The following VPS13A variants were observed in gnomAD, a reference collection of about 807,000 sequenced individuals.
VPS13A encodes the protein vacuolar protein sorting 13 homolog A.
VPS13A carries 264 observed loss-of-function variants against 390.9 expected under a neutral mutation model. The ratio of observed to expected loss-of-function variants is 0.68; its 90% confidence interval spans 0.61 to 0.75. VPS13A has a LOEUF of 0.75. Ranked by LOEUF, VPS13A falls within the 30% of genes least tolerant of loss-of-function variation. VPS13A has a pLI of 0.00. For missense variants in VPS13A, 3,409 were observed against 3,733.9 expected (o/e 0.91, Z 2.27); for synonymous variants, 1,231 against 1,227.1 (o/e 1.00, Z -0.07).
chr9:77,337,167 G>A (rs954342945), intron 46 of VPS13A, 88 bp from the exon 47 acceptor site: 10 of 1,236,124 alleles, frequency 8.1e-6, no homozygotes, highest in African/African-American at 3.0e-5. Flanking sequence ...ATGAAAGGAG[G>A]TAAGTTTGTT....
At chr9:77,195,435 T>C (rs749875691) in intron 1 of VPS13A, among the ~76,000 whole-genome samples, 20 of 152,226 alleles carry the variant, frequency 1.3e-4, no homozygotes, top group Middle Eastern at 3.4e-3. Context: ...ATTGATCTTT[T>C]TAGAAAACTA....
intron 23 of VPS13A, among the ~76,000 whole-genome samples, chr9:77,269,319 G>C (rs1826221505): frequency 6.6e-6 from 1 of 152,068 alleles, no homozygotes; most frequent in African/African-American, 2.4e-5. Flanking sequence ...TTGTTAAAAA[G>C]ACTATTCTTT....
In VPS13A at chr9:77,199,848, A is replaced by G. The variant is rs1224138442; in HGVS notation, c.101-97A>G. On this transcript the variant is annotated intron_variant, in intron 1 of 71. Transcript: ENST00000360280. ...ATTATCTGTTATGCACATTATTTAT[A>G]TATTTTTCCTGATTATGACAGGAAT... The G allele has an allele frequency of 6.3e-6, 6 of 949,958 alleles. No individual in the cohort carries two copies. The South Asian group carries it at 7.9e-5, about 12-fold the overall frequency. 58.8% of individuals were successfully genotyped at this position (949,958 alleles called of 1,614,324 possible). A position where few individuals can be genotyped will look rare whatever the true frequency, so the allele number is the denominator to read the frequency against.
rs555252049 is a variant in VPS13A, at chr9:77,335,700, A to G, written c.6096-1555A>G. On this transcript the variant is annotated intron_variant, in intron 46 of 71. Transcript: ENST00000360280. ...ATGGCAATCGTTAAAAAGTCAGGACACAACAGATGTTGGAGAGGATGTGGA... is the reference window on the plus strand; with the variant it reads ...ATGGCAATCGTTAAAAAGTCAGGACGCAACAGATGTTGGAGAGGATGTGGA... Among the ~76,000 whole-genome samples the G allele has an allele frequency of 2.0e-5, 3 of 152,354 alleles. No individual in the cohort carries two copies. The South Asian group carries it at 6.2e-4, about 32-fold the overall frequency.
Position 77,360,622 on chromosome 9 carries a change from A to G in VPS13A, c.8192A>G (p.Glu2731Gly). Reference sequence around the variant, plus strand: ...TTAACAGACCTTATGACAGAAGCTGAGGTGACTGAAAATACAGAGGTAAGA... The same window carrying G: ...TTAACAGACCTTATGACAGAAGCTGGGGTGACTGAAAATACAGAGGTAAGA... ...YALTDLMTEA[E>G]VTENTEVELF... The change falls in exon 59 of 72, where the codon GAG (glutamate) becomes GGG (glycine). Residue 2731 changes from glutamate to glycine, a missense_variant. Physicochemically the swap from Glu to Gly is moderately conservative, Grantham distance 98. This residue lies in a region of VPS13A where 221 missense variants were observed against 300.7 expected (regional missense o/e 0.73). Coordinates refer to ENST00000360280, the MANE Select transcript of VPS13A (RefSeq NM_033305.3). 1.9e-6 allele frequency: 3 copies of G among 1,612,098 alleles called. No homozygotes were observed. The highest frequency in any genetic ancestry group is 2.5e-6 in the Non-Finnish European group (3 of 1,178,468).
At chr9:77,209,593 A>G (rs1825859295) in intron 6 of VPS13A, 61 bp downstream of exon 6, 15 of 1,058,412 alleles carry the variant, frequency 1.4e-5, no homozygotes, top group Non-Finnish European at 1.4e-6. Context: ...TTTACTATTT[A>G]ATGACACCTA....
chr9:77,209,910 C>T (rs1001368442), intron 6 of VPS13A, among the ~76,000 whole-genome samples: 4 of 152,140 alleles, frequency 2.6e-5, no homozygotes, highest in African/African-American at 9.7e-5. Context: ...TTTGTTTTCT[C>T]TTAACCAGAT....
intron 50 of VPS13A, among the ~76,000 whole-genome samples, chr9:77,342,605 A>G (rs1052912985): frequency 6.6e-6 from 1 of 152,164 alleles, no homozygotes. Context: ...TTATTTAAAT[A>G]TTGTATAAAA....
In VPS13A at chr9:77,366,798, T is replaced by A; in HGVS notation, c.8397T>A (p.Ile2799=). The change falls in exon 61 of 72, where the codon ATT becomes ATA. Residue 2799 remains isoleucine, a synonymous_variant. Coordinates refer to ENST00000360280, the MANE Select transcript of VPS13A (RefSeq NM_033305.3). ...ATTCAAAACAAAATGGAGGACTGAT[T>A]CCAGTTCATTCTTTAAATCTTTTGC... ...AKDSKQNGGL[I]PVHSLNLLLK... is the part of the protein sequence containing the mutation. 1 of 1,613,322 alleles carries A rather than the reference T, an allele frequency of 6.2e-7. No homozygotes were observed. The highest frequency in any genetic ancestry group is 8.5e-7 in the Non-Finnish European group (1 of 1,179,508).
chr9:77,405,939 C>CAAAG lies in VPS13A; in HGVS notation c.9353_9356dup (p.Pro3120ArgfsTer13), dbSNP rs773428910. Reference sequence around the variant, plus strand: ...GGCAGTATAGTTTTGATGAATTTACCAAAGAGCCATTCATTGTTCATGGGA... The same window carrying CAAAG: ...GGCAGTATAGTTTTGATGAATTTACCAAAGAAAGAGCCATTCATTGTTCATGGGA... On this transcript the variant is annotated frameshift_variant, in exon 70 of 72. Coordinates refer to ENST00000360280, the MANE Select transcript of VPS13A (RefSeq NM_033305.3). LOFTEE classifies it high-confidence loss of function. The CAAAG allele has an allele frequency of 1.2e-6, 2 of 1,613,794 alleles. No homozygotes were observed. The highest frequency in any genetic ancestry group is 1.1e-5 in the South Asian group (1 of 91,070).
chr9:77,178,141 G>A (rs1005431269), intron 1 of VPS13A: 1 of 309,888 alleles, frequency 3.2e-6, no homozygotes, highest in Non-Finnish European at 6.2e-6. Flanking sequence ...CGCACGGTCC[G>A]GCTTTAGCCG....
intron 45 of VPS13A, among the ~76,000 whole-genome samples, chr9:77,327,009 C>G (rs1235888836): frequency 1.3e-5 from 2 of 152,168 alleles, no homozygotes; most frequent in Non-Finnish European, 2.9e-5. Flanking sequence ...GTTGGCTTCC[C>G]CAGATTTTCA....
intron 1 of VPS13A, among the ~76,000 whole-genome samples, chr9:77,184,502 C>A (rs992628473): frequency 1.3e-5 from 2 of 152,062 alleles, no homozygotes; most frequent in Admixed American, 6.5e-5. Flanking sequence ...ACCTGTAGTC[C>A]CAGCTACTTG....
At chr9:77,325,537 G>T (rs1394682011) in intron 45 of VPS13A, among the ~76,000 whole-genome samples, 3 of 145,168 alleles carry the variant, frequency 2.1e-5, no homozygotes, top group Non-Finnish European at 4.5e-5. Context: ...TGTCTCATTT[G>T]TTCTTTGCTT....
chr9:77,370,229 C>T lies in VPS13A; in HGVS notation c.8668-28C>T, dbSNP rs745915975. 72 of 1,610,934 alleles carry T rather than the reference C, an allele frequency of 4.5e-5. No homozygotes were observed. In the South Asian group the frequency reaches 7.6e-4, roughly 17 times the overall value. Reference sequence around the variant, plus strand: ...TTTAAAAGTGAATATAACTCACTCACTCATTTATTTACTATTTGGCCCTTT... The same window carrying T: ...TTTAAAAGTGAATATAACTCACTCATTCATTTATTTACTATTTGGCCCTTT... On this transcript the variant is annotated intron_variant, in intron 63 of 71. Coordinates refer to ENST00000360280, the MANE Select transcript of VPS13A (RefSeq NM_033305.3).
At chr9:77,187,795 A>G (rs1824431964) in intron 1 of VPS13A, among the ~76,000 whole-genome samples, 1 of 152,020 alleles carries the variant, frequency 6.6e-6, no homozygotes, top group Admixed American at 6.5e-5. Context: ...TTTGATGTAT[A>G]AATTATTTTG....
intron 39 of VPS13A, among the ~76,000 whole-genome samples, chr9:77,317,063 G>T (rs1829439703): frequency 6.6e-6 from 1 of 151,912 alleles, no homozygotes; most frequent in Non-Finnish European, 1.5e-5. Context: ...TTTTCCTGAT[G>T]CTTGGTATGC....
intron 31 of VPS13A, among the ~76,000 whole-genome samples, chr9:77,290,187 TC>T (rs1179594134): frequency 6.6e-6 from 1 of 152,214 alleles, no homozygotes; most frequent in East Asian, 1.9e-4. Flanking sequence ...CCCTAATTTT[TC>T]TGAGTGACAT....
intron 1 of VPS13A, among the ~76,000 whole-genome samples, chr9:77,193,310 G>GT (rs1423439699): frequency 6.6e-6 from 1 of 151,800 alleles, no homozygotes; most frequent in Non-Finnish European, 1.5e-5. Context: ...TATCTTCTGA[G>GT]TTTTATGCCC....
Sources: gnomAD v4.1 joint callset for allele counts (sites outside exome capture counted in the v4.1 genomes callset) on GRCh38, gnomAD v4.1.1 for gene constraint, gnomAD v4.1.1 regional missense constraint, MANE v1.5 for transcripts, NCBI Gene and HGNC (gene_info 2026-07-23, HGNC 2026-07-21) for gene names.